METAP1: variants seen among roughly 807,000 people sequenced by gnomAD.
The protein encoded by METAP1 is methionyl aminopeptidase 1.
METAP1 carries 28 observed loss-of-function variants against 53.8 expected under a neutral mutation model. That is an observed-to-expected ratio of 0.52 (90% CI 0.39 to 0.71). The LOEUF (loss-of-function observed/expected upper bound fraction) is 0.71. Ranked by LOEUF, METAP1 falls within the 30% of genes least tolerant of loss-of-function variation. The probability of loss-of-function intolerance (pLI) is 0.00; values close to 1 mark genes in which losing one functional copy is unlikely to be tolerated. For missense variants in METAP1, 389 were observed against 479.8 expected (o/e 0.81, Z 1.77); for synonymous variants, 181 against 165.7 (o/e 1.09, Z -0.71).
intron 1 of METAP1, among the ~76,000 whole-genome samples, chr4:99,020,090 G>A (rs1054416110): frequency 2.6e-4 from 40 of 152,180 alleles, no homozygotes; most frequent in Admixed American, 1.8e-3. Flanking sequence ...TATTTTGACC[G>A]GCAGGGTAAT....
At chr4:99,042,007 A>G (rs993560186) in intron 6 of METAP1, among the ~76,000 whole-genome samples, 2 of 151,964 alleles carry the variant, frequency 1.3e-5, no homozygotes, top group Non-Finnish European at 1.5e-5. Flanking sequence ...TGCTTCTTTT[A>G]CATTAACTCA....
intron 1 of METAP1, among the ~76,000 whole-genome samples, chr4:99,010,536 G>GT (rs1486756431): frequency 6.6e-6 from 1 of 152,142 alleles, no homozygotes; most frequent in Non-Finnish European, 1.5e-5. Context: ...ATTTGTCTGT[G>GT]TATCTGTTTT....
chr4:99,034,393 A>G, intron 3 of METAP1, 51 bp downstream of exon 3: 1 of 1,049,526 alleles, frequency 9.5e-7, no homozygotes, highest in Admixed American at 2.0e-5. Context: ...ATTTTCCAAA[A>G]ATGATACTCG....
At chr4:99,009,542 G>GT (rs1166753770) in intron 1 of METAP1, among the ~76,000 whole-genome samples, 6 of 151,884 alleles carry the variant, frequency 4.0e-5, no homozygotes, top group African/African-American at 1.5e-4. Flanking sequence ...TTTCTGTTTT[G>GT]TTTTTTTCAT....
chr4:99,035,427 A>G lies in METAP1; in HGVS notation c.307A>G (p.Ile103Val). ...LMPTRPVPSY[I>V]QRPDYADHPL... Reference sequence around the variant, plus strand: ...GCCAACAAGGCCAGTGCCAAGTTATATTCAAAGACCAGATTATGCTGATCA... The same window carrying G: ...GCCAACAAGGCCAGTGCCAAGTTATGTTCAAAGACCAGATTATGCTGATCA... The change falls in exon 4 of 11, where the codon ATT becomes GTT. Residue 103 changes from isoleucine (I) to valine (V), a missense_variant. By Grantham distance (29) the Ile-to-Val change is conservative. Transcript: ENST00000296411. The G allele has an allele frequency of 6.5e-7, 1 of 1,549,170 alleles. No homozygotes were observed. The highest frequency in any genetic ancestry group is 8.7e-7 in the Non-Finnish European group (1 of 1,144,864).
intron 5 of METAP1, among the ~76,000 whole-genome samples, chr4:99,039,848 T>C (rs982257871): frequency 5.9e-5 from 9 of 152,138 alleles, no homozygotes; most frequent in African/African-American, 2.2e-4. Context: ...CACCTTGGCC[T>C]CCCAAAATGC....
At chr4:99,028,020 A>G (rs1724705595) in intron 1 of METAP1, among the ~76,000 whole-genome samples, 2 of 150,218 alleles carry the variant, frequency 1.3e-5, no homozygotes, top group African/African-American at 4.9e-5. Context: ...TACTAGTTTT[A>G]TGTCTACAAA....
rs62325236 is a variant in METAP1 at position 99,061,728 on chromosome 4, A to G, written c.*411A>G. On this transcript the variant is annotated 3_prime_UTR_variant, in exon 11 of 11. Coordinates refer to ENST00000296411, the MANE Select transcript of METAP1 (RefSeq NM_015143.3). ...TTAAATTATATATATGGAAATATAT[A>G]TGTATACATTTTAAGTTCTGTATAC... 0.025 allele frequency: 3,794 copies of G among 153,580 alleles called. 60 individuals are homozygous for G. The highest frequency in any genetic ancestry group is 0.035 in the Non-Finnish European group (2,400 of 68,842). The allele number at this position is 153,580 out of a possible 1,614,324, so 9.5% of individuals were successfully genotyped here. A position where few individuals can be genotyped will look rare whatever the true frequency, so the allele number is the denominator to read the frequency against.
intron 9 of METAP1, 90 bp downstream of exon 9, chr4:99,048,966 C>A: frequency 1.4e-6 from 2 of 1,402,332 alleles, no homozygotes; most frequent in Non-Finnish European, 2.0e-6. Flanking sequence ...ATTTTGTATT[C>A]ACTAGAGTAA....
intron 2 of METAP1, among the ~76,000 whole-genome samples, chr4:99,029,304 T>A (rs1724820430): frequency 6.6e-6 from 1 of 152,206 alleles, no homozygotes; most frequent in African/African-American, 2.4e-5. Context: ...TAGTTTCAAT[T>A]TGTATTGCTT....
intron 1 of METAP1, among the ~76,000 whole-genome samples, chr4:99,020,762 C>T (rs944897359): frequency 1.8e-4 from 28 of 152,014 alleles, no homozygotes; most frequent in South Asian, 2.1e-4. Context: ...AGTCTTCATT[C>T]GAGCCATATT....
At chr4:99,020,107 C>T (rs1238746322) in intron 1 of METAP1, among the ~76,000 whole-genome samples, 1 of 152,084 alleles carries the variant, frequency 6.6e-6, no homozygotes, top group Non-Finnish European at 1.5e-5. Context: ...TAATCACGTT[C>T]CCAGGCCCCC....
At chr4:99,014,722 A>G (rs1011218296) in intron 1 of METAP1, among the ~76,000 whole-genome samples, 2 of 152,224 alleles carry the variant, frequency 1.3e-5, no homozygotes, top group South Asian at 2.1e-4. Flanking sequence ...CAATTGGACT[A>G]GAGTGCAAGT....
intron 4 of METAP1, among the ~76,000 whole-genome samples, chr4:99,036,311 T>G (rs1051723703): frequency 1.3e-5 from 2 of 152,120 alleles, no homozygotes; most frequent in African/African-American, 4.8e-5. Flanking sequence ...ACCCTACTAT[T>G]TCAGAAAAAT....
At chr4:98,998,895 C>T (rs1410726239) in intron 1 of METAP1, among the ~76,000 whole-genome samples, 1 of 151,902 alleles carries the variant, frequency 6.6e-6, no homozygotes, top group African/African-American at 2.4e-5. Context: ...ACCGCAACCT[C>T]CGCCTCCCAG....
intron 1 of METAP1, among the ~76,000 whole-genome samples, chr4:98,999,950 T>C (rs1313551954): frequency 2.6e-5 from 4 of 152,234 alleles, no homozygotes; most frequent in African/African-American, 9.6e-5. Context: ...ATAGTTTATG[T>C]ATGTCTTTTT....
intron 8 of METAP1, among the ~76,000 whole-genome samples, chr4:99,046,953 A>AAAAAAAAAG (rs1560730243): frequency 4.0e-5 from 6 of 149,034 alleles, no homozygotes; most frequent in Non-Finnish European, 7.4e-5. Flanking sequence ...AAAAAAAAAA[A>AAAAAAAAAG]AAAAAGAAAA....
chr4:99,032,674 C>T (rs1725131006), intron 2 of METAP1, among the ~76,000 whole-genome samples: 2 of 152,176 alleles, frequency 1.3e-5, no homozygotes, highest in Non-Finnish European at 2.9e-5. Flanking sequence ...GATTGCTTTT[C>T]TCTCCTAGGT....
At chr4:99,005,298 C>G (rs1022245241) in intron 1 of METAP1, among the ~76,000 whole-genome samples, 3 of 151,864 alleles carry the variant, frequency 2.0e-5, no homozygotes, top group African/African-American at 7.3e-5. Flanking sequence ...AAAAAAAAAT[C>G]AAATAATCTC....
Sources: gnomAD v4.1 joint callset for allele counts (sites outside exome capture counted in the v4.1 genomes callset) on GRCh38, gnomAD v4.1.1 for gene constraint, MANE v1.5 for transcripts, NCBI Gene and HGNC (gene_info 2026-07-23, HGNC 2026-07-21) for gene names.